The following URGCP variants were observed in gnomAD, a reference collection of about 807,000 sequenced individuals.
URGCP encodes the protein upregulator of cell proliferation, also known as up-regulator of cell proliferation.
Under a neutral mutation model 24.6 loss-of-function variants are expected in URGCP, and 13 were observed. The ratio of observed to expected loss-of-function variants is 0.53; its 90% confidence interval spans 0.34 to 0.84. The LOEUF (loss-of-function observed/expected upper bound fraction) is 0.84, where lower values mean the gene tolerates loss of function less well. URGCP is among the 40% of genes least tolerant of loss of function. The pLI is 0.01. For synonymous variants in URGCP, 444 were observed against 487.2 expected, an observed-to-expected ratio of 0.91 and a Z score of 1.17; for missense variants, 899 against 1,194.3, an observed-to-expected ratio of 0.75 and a Z score of 3.64.
intron 1 of URGCP, among the ~76,000 whole-genome samples, chr7:43,900,481 A>AAAAAAAAAAAAG (rs1554291222): frequency 1.4e-5 from 2 of 147,628 alleles, no homozygotes; most frequent in African/African-American, 5.0e-5. Context: ...AAAAAAAAAA[A>AAAAAAAAAAAAG]AAAAAGAAAA....
chr7:43,899,575 A>G (rs1363473571), intron 1 of URGCP, among the ~76,000 whole-genome samples: 1 of 152,210 alleles, frequency 6.6e-6, no homozygotes, highest in Non-Finnish European at 1.5e-5. Context: ...AAAATAGAAC[A>G]TAATAATTAA....
At chr7:43,915,345 G>A (rs1399448355) in intron 1 of URGCP, among the ~76,000 whole-genome samples, 7 of 152,236 alleles carry the variant, frequency 4.6e-5, no homozygotes, top group South Asian at 4.1e-4. Flanking sequence ...GAGCTTTCTT[G>A]TCCTCAGCCT....
At chr7:43,919,619 A>T in intron 1 of URGCP, 8 of 1,398,644 alleles carry the variant, frequency 5.7e-6, no homozygotes, top group Non-Finnish European at 8.1e-6. Context: ...TGGTATCCAC[A>T]GGCCGAGACC....
At chr7:43,889,613 CTGTCA>C (rs1237276546) in intron 1 of URGCP, 1 of 152,202 alleles carries the variant, frequency 6.6e-6, no homozygotes, top group East Asian at 1.9e-4. Context: ...AAATGCTTTC[CTGTCA>C]TATGTTTGAA....
chr7:43,892,366 A>G (rs1585809388), intron 1 of URGCP, among the ~76,000 whole-genome samples: 1 of 143,772 alleles, frequency 7.0e-6, no homozygotes, highest in South Asian at 2.2e-4. Context: ...TGATCTGCCC[A>G]CCTCGGCCTC....
intron 1 of URGCP, among the ~76,000 whole-genome samples, chr7:43,922,923 C>T (rs898319362): frequency 2.0e-5 from 3 of 149,446 alleles, no homozygotes; most frequent in Admixed American, 1.3e-4. Context: ...TCTTTCTTTC[C>T]GTCTTTCTTT....
intron 1 of URGCP, among the ~76,000 whole-genome samples, chr7:43,924,213 T>G (rs550025389): frequency 6.6e-6 from 1 of 152,332 alleles, no homozygotes; most frequent in South Asian, 2.1e-4. Flanking sequence ...TCTAAAATTA[T>G]TTCAATGTTA....
chr7:43,877,852 C>A lies in URGCP; in HGVS notation c.1611G>T (p.Met537Ile). The change falls in exon 6 of 6, where the codon ATG (methionine) becomes ATT (isoleucine). Residue 537 changes from methionine to isoleucine, a missense_variant. By Grantham distance (10) the Met-to-Ile change is conservative. Transcript: ENST00000453200. Reference sequence around the variant, plus strand: ...AGGAGGGATCATGGCCGTTCTGCTGCATTCGAAGTTCTAGCAGCCGCCGCC... The same window carrying A: ...AGGAGGGATCATGGCCGTTCTGCTGAATTCGAAGTTCTAGCAGCCGCCGCC... ...ELRRRLLELRMQQNGHDPSSG... is the reference protein window; with the variant it reads ...ELRRRLLELRIQQNGHDPSSG... 6.2e-7 allele frequency: 1 copy of A among 1,611,626 alleles called. No individual in the cohort carries two copies. The highest frequency in any genetic ancestry group is 8.5e-7 in the Non-Finnish European group (1 of 1,178,726).
chr7:43,905,531 T>C (rs1237086811), intron 1 of URGCP: 1 of 152,212 alleles, frequency 6.6e-6, no homozygotes, highest in Non-Finnish European at 1.5e-5. Flanking sequence ...CCCCAGGGCA[T>C]GGCTCAGGCC....
At position 43,876,645 on chromosome 7, in the gene URGCP, T is replaced by C; in HGVS notation, c.*22A>G. 3 of 1,606,176 alleles carry C rather than the reference T, an allele frequency of 1.9e-6. No individual in the cohort carries two copies. Among genetic ancestry groups the C allele is most frequent in the Non-Finnish European group, 2.6e-6 (3 of 1,175,436 alleles). The stretch of plus-strand genomic sequence containing the variant: ...GCTGCCCACAGCAGCCTCCTACACC[T>C]GAACTGGGTTTCTCTGCACACTCAC... On this transcript the variant is annotated 3_prime_UTR_variant, in exon 6 of 6. Coordinates refer to ENST00000453200, the MANE Select transcript of URGCP (RefSeq NM_001077663.3).
chr7:43,887,029 A>G (rs543189456), intron 3 of URGCP, among the ~76,000 whole-genome samples: 19 of 152,158 alleles, frequency 1.2e-4, no homozygotes, highest in African/African-American at 4.3e-4. Flanking sequence ...CACTCTCAGA[A>G]GTGCCCACTT....
chr7:43,877,969 C>T lies in URGCP; in HGVS notation c.1494G>A (p.Gly498=). 6.2e-7 allele frequency: 1 copy of T among 1,614,204 alleles called. No homozygotes were observed. The highest frequency in any genetic ancestry group is 8.5e-7 in the Non-Finnish European group (1 of 1,180,042). Residue 498 remains glycine, a synonymous_variant, in exon 6 of 6, where the codon GGG becomes GGA. Transcript: ENST00000453200. ...AYRRDELRLQ[G]DPWRKAAQVE... is the part of the protein sequence containing the mutation. ...CTTGGGCTGCCTTTCTCCAGGGGTCCCCCTGCAGCCTCAGCTCGTCCCTTC... is the reference window on the plus strand; with the variant it reads ...CTTGGGCTGCCTTTCTCCAGGGGTCTCCCTGCAGCCTCAGCTCGTCCCTTC...
intron 1 of URGCP, among the ~76,000 whole-genome samples, chr7:43,902,563 T>C (rs1562584954): frequency 6.6e-6 from 1 of 152,162 alleles, no homozygotes; most frequent in African/African-American, 2.4e-5. Context: ...TGTTACCCAC[T>C]GGATCAAAGA....
chr7:43,915,366 A>C (rs2095914369), intron 1 of URGCP, among the ~76,000 whole-genome samples: 1 of 152,122 alleles, frequency 6.6e-6, no homozygotes, highest in African/African-American at 2.4e-5. Flanking sequence ...TCTTCTGAGG[A>C]TAGAGGAAAC....
intron 1 of URGCP, among the ~76,000 whole-genome samples, chr7:43,920,471 G>C (rs1416870814): frequency 6.6e-6 from 1 of 152,198 alleles, no homozygotes; most frequent in Non-Finnish European, 1.5e-5. Context: ...GCTGAGGCAG[G>C]TGAATTGCTT....
upstream of URGCP, among the ~76,000 whole-genome samples, chr7:43,907,471 G>A (rs1227140158): frequency 1.6e-5 from 2 of 127,870 alleles, no homozygotes; most frequent in Non-Finnish European, 1.6e-5. Flanking sequence ...CCCCCTGCCC[G>A]CCCCGCCCGT....
chr7:43,922,701 T>C (rs144246098), intron 1 of URGCP, among the ~76,000 whole-genome samples: 2,527 of 152,018 alleles, frequency 0.017, 63 homozygotes, highest in African/African-American at 0.057. Context: ...CACCATGCTC[T>C]ACTAATTCTT....
chr7:43,897,607 A>T (rs1169068275), intron 1 of URGCP, among the ~76,000 whole-genome samples: 1 of 152,132 alleles, frequency 6.6e-6, no homozygotes, highest in Non-Finnish European at 1.5e-5. Context: ...AATAAAAAAG[A>T]TTTTTTAAAA....
At chr7:43,895,912 T>C (rs1008628578) in intron 1 of URGCP, among the ~76,000 whole-genome samples, 6 of 152,202 alleles carry the variant, frequency 3.9e-5, no homozygotes, top group Admixed American at 2.6e-4. Context: ...CTATTCACAA[T>C]AGCCAAGATA....
Sources: allele counts gnomAD v4.1 joint callset (sites outside exome capture counted in the v4.1 genomes callset), GRCh38; gene constraint gnomAD v4.1.1; transcripts MANE v1.5; gene names NCBI Gene and HGNC (gene_info 2026-07-23, HGNC 2026-07-21).